TMIGD3: variants seen among roughly 807,000 people sequenced by gnomAD.
The protein encoded by TMIGD3 is transmembrane and immunoglobulin domain containing 3.
A neutral mutation model predicts 28.1 loss-of-function variants in TMIGD3; 21 were observed. The observed-to-expected ratio is 0.75, with a 90% CI of 0.53 to 1.08. TMIGD3 has a LOEUF of 1.08. Among genes scored for constraint, TMIGD3 ranks in the 50% least tolerant of loss-of-function variants. TMIGD3 has a pLI of 0.00. For synonymous variants in TMIGD3, 151 were observed against 162.1 expected, an observed-to-expected ratio of 0.93 and a Z score of 0.52; for missense variants, 416 against 435.6, an observed-to-expected ratio of 0.96 and a Z score of 0.40.
intron 1 of TMIGD3, among the ~76,000 whole-genome samples, chr1:111,537,398 T>C (rs1571446278): frequency 6.6e-6 from 1 of 152,302 alleles, no homozygotes; most frequent in East Asian, 1.9e-4. Flanking sequence ...AGCACAGAGC[T>C]CTCCACGGTG....
At chr1:111,563,051 T>A (rs1657804895) in intron 1 of TMIGD3, among the ~76,000 whole-genome samples, 1 of 152,170 alleles carries the variant, frequency 6.6e-6, no homozygotes, top group South Asian at 2.1e-4. Flanking sequence ...AAACTAAGGC[T>A]TAAAGAGAGT....
chr1:111,490,891 C>T, intron 1 of TMIGD3, 129 bp from the exon 2 acceptor site: 1 of 666,670 alleles, frequency 1.5e-6, no homozygotes, highest in Non-Finnish European at 2.6e-6. Context: ...CACAATGCAC[C>T]ATACCACATG....
intron 1 of TMIGD3, among the ~76,000 whole-genome samples, chr1:111,529,380 T>C (rs533523448): frequency 8.4e-4 from 128 of 151,596 alleles, no homozygotes; most frequent in Non-Finnish European, 1.3e-3. Flanking sequence ...TTCTTTCTTT[T>C]TTTTTTAATT....
At position 111,485,926 on chromosome 1, in the gene TMIGD3, C is replaced by T. The variant is rs898520780; in HGVS notation, c.873-86G>A. The stretch of plus-strand genomic sequence containing the variant: ...TCTGGATCCCTTTTTCTGGGATTTG[C>T]ACCCCTGCCCACCCCCCAACCCAGT... On this transcript the variant is annotated intron_variant, in intron 4 of 5. Transcript: ENST00000369716. The T allele has an allele frequency of 4.3e-6, 4 of 930,168 alleles. No homozygotes were observed. The East Asian group carries it at 7.6e-5, about 18-fold the overall frequency. The allele number at this position is 930,168 out of a possible 1,614,324, so 57.6% of individuals were successfully genotyped here.
At chr1:111,539,550 C>T (rs1656749236) in intron 1 of TMIGD3, among the ~76,000 whole-genome samples, 1 of 152,162 alleles carries the variant, frequency 6.6e-6, no homozygotes, top group African/African-American at 2.4e-5. Flanking sequence ...CCCGCCTCGG[C>T]CTCCCAAACT....
upstream of TMIGD3, among the ~76,000 whole-genome samples, chr1:111,507,910 A>G (rs764615103): frequency 1.3e-5 from 2 of 152,172 alleles, no homozygotes; most frequent in Non-Finnish European, 1.5e-5. Context: ...CTGCCTCTCC[A>G]TCAAGCCCCG....
At chr1:111,532,720 G>T (rs557976871) in intron 1 of TMIGD3, among the ~76,000 whole-genome samples, 2 of 152,316 alleles carry the variant, frequency 1.3e-5, no homozygotes, top group Admixed American at 1.3e-4. Flanking sequence ...AGGGGTGATG[G>T]TCTCTGTGGG....
chr1:111,562,975 A>G (rs1437251418), intron 1 of TMIGD3, among the ~76,000 whole-genome samples: 4 of 152,240 alleles, frequency 2.6e-5, no homozygotes, highest in Admixed American at 2.6e-4. Context: ...TAGATAGATT[A>G]TCTTTTGAAA....
intron 1 of TMIGD3, among the ~76,000 whole-genome samples, chr1:111,510,042 C>A (rs1229751037): frequency 1.3e-5 from 2 of 152,238 alleles, no homozygotes; most frequent in Non-Finnish European, 2.9e-5. Context: ...CCATTTTGGG[C>A]AGACATTCTT....
At chr1:111,519,752 G>T (rs992584303) in intron 1 of TMIGD3, among the ~76,000 whole-genome samples, 1 of 151,490 alleles carries the variant, frequency 6.6e-6, no homozygotes, top group African/African-American at 2.4e-5. Flanking sequence ...GAGTGCAGTG[G>T]CATGATCTCG....
At chr1:111,500,297 T>C (rs1403381513) in intron 1 of TMIGD3, 1 of 1,614,070 alleles carries the variant, frequency 6.2e-7, no homozygotes, top group Admixed American at 1.7e-5. Flanking sequence ...TTGTTCCGAA[T>C]GATGTAAAAG....
chr1:111,556,543 T>C (rs1326728138), intron 1 of TMIGD3, among the ~76,000 whole-genome samples: 1 of 152,178 alleles, frequency 6.6e-6, no homozygotes, highest in Non-Finnish European at 1.5e-5. Context: ...ATGTAGCATT[T>C]ACATACAATA....
rs748678824 is a variant in TMIGD3, at chr1:111,483,679, AT to A, written c.*7del. ...TCACTTTATGAACTAAATTAAAAAA[AT>A]CTTCAGTCACATCTGTTCAGTAGGA... is the stretch of plus-strand genomic sequence containing the variant. On this transcript the variant is annotated 3_prime_UTR_variant, in exon 6 of 6. Coordinates refer to ENST00000369716, the MANE Select transcript of TMIGD3 (RefSeq NM_020683.7). 6.2e-7 allele frequency: 1 copy of A among 1,609,426 alleles called. No individual in the cohort carries two copies. Among genetic ancestry groups the A allele is most frequent in the East Asian group, 2.2e-5 (1 of 44,870 alleles).
intron 1 of TMIGD3, among the ~76,000 whole-genome samples, chr1:111,527,418 A>AAG (rs1656305425): frequency 6.6e-6 from 1 of 152,228 alleles, no homozygotes; most frequent in African/African-American, 2.4e-5. Context: ...ACTGTAAAAC[A>AAG]TCTTGTTTAC....
chr1:111,487,162 T>TG (rs1444039502), intron 3 of TMIGD3, among the ~76,000 whole-genome samples: 1 of 152,012 alleles, frequency 6.6e-6, no homozygotes, highest in Non-Finnish European at 1.5e-5. Flanking sequence ...TGATAAGACG[T>TG]GGGAGAGGTC....
At chr1:111,517,041 A>C (rs1655892790) in intron 1 of TMIGD3, among the ~76,000 whole-genome samples, 1 of 152,082 alleles carries the variant, frequency 6.6e-6, no homozygotes, top group South Asian at 2.1e-4. Context: ...GCCCCATCCC[A>C]CACTCTCTCA....
At chr1:111,530,147 A>G (rs187879915) in intron 1 of TMIGD3, among the ~76,000 whole-genome samples, 2 of 152,306 alleles carry the variant, frequency 1.3e-5, no homozygotes, top group African/African-American at 4.8e-5. Flanking sequence ...CTCATTAGCT[A>G]TAACTCTTTT....
chr1:111,548,651 GATTA>G (rs933077731), intron 1 of TMIGD3, among the ~76,000 whole-genome samples: 20 of 152,298 alleles, frequency 1.3e-4, no homozygotes, highest in African/African-American at 3.4e-4. Context: ...TCACAAACAA[GATTA>G]ATTTTTTCCT....
chr1:111,544,291 T>G (rs1193060973), intron 1 of TMIGD3, among the ~76,000 whole-genome samples: 1 of 152,188 alleles, frequency 6.6e-6, no homozygotes, highest in Non-Finnish European at 1.5e-5. Context: ...AACTCAGTAA[T>G]TTTTAGTATA....
Sources: gnomAD v4.1 joint callset for allele counts (sites outside exome capture counted in the v4.1 genomes callset) on GRCh38, gnomAD v4.1.1 for gene constraint, MANE v1.5 for transcripts, NCBI Gene and HGNC (gene_info 2026-07-23, HGNC 2026-07-21) for gene names.